APBA2: variants seen among roughly 807,000 people sequenced by gnomAD.
APBA2 encodes amyloid beta precursor protein binding family A member 2.
Under a neutral mutation model 75.0 loss-of-function variants are expected in APBA2, and 30 were observed. That is an observed-to-expected ratio of 0.40 (90% CI 0.30 to 0.54). The LOEUF (loss-of-function observed/expected upper bound fraction) is 0.54. Ranked by LOEUF, APBA2 falls within the 20% of genes least tolerant of loss-of-function variation. The pLI is 0.49. For missense variants in APBA2, 801 were observed against 1,016.1 expected, an observed-to-expected ratio of 0.79 and a Z score of 2.88; for synonymous variants, 444 against 409.6, an observed-to-expected ratio of 1.08 and a Z score of -1.01.
chr15:28,936,976 A>G (rs936380605), intron 2 of APBA2, among the ~76,000 whole-genome samples: 1 of 152,182 alleles, frequency 6.6e-6, no homozygotes, highest in Non-Finnish European at 1.5e-5. Flanking sequence ...AAATGGGCAT[A>G]ATAGAAATGA....
intron 1 of APBA2, among the ~76,000 whole-genome samples, chr15:28,920,608 A>G (rs1299222578): frequency 6.6e-6 from 1 of 152,164 alleles, no homozygotes; most frequent in Non-Finnish European, 1.5e-5. Context: ...GTTTGGGTTT[A>G]GGAGGCCTCC....
At chr15:29,076,969 G>C (rs547514970) in intron 6 of APBA2, among the ~76,000 whole-genome samples, 1 of 152,146 alleles carries the variant, frequency 6.6e-6, no homozygotes, top group African/African-American at 2.4e-5. Flanking sequence ...AGTTCCAATT[G>C]GTTGAAACTG....
intron 2 of APBA2, among the ~76,000 whole-genome samples, chr15:28,979,878 A>C (rs1566867699): frequency 6.6e-6 from 1 of 152,206 alleles, no homozygotes; most frequent in African/African-American, 2.4e-5. Flanking sequence ...GGGTCTTTGC[A>C]TCAGTTATTT....
At chr15:28,987,516 C>A (rs113225807) in intron 2 of APBA2, among the ~76,000 whole-genome samples, 6 of 151,820 alleles carry the variant, frequency 4.0e-5, no homozygotes, top group Middle Eastern at 3.4e-3. Flanking sequence ...ACATGGCAGG[C>A]GGATTCCCCC....
At chr15:29,034,343 C>G (rs1377829488) in intron 3 of APBA2, among the ~76,000 whole-genome samples, 1 of 152,192 alleles carries the variant, frequency 6.6e-6, no homozygotes, top group East Asian at 1.9e-4. Flanking sequence ...CCTGAGTCAT[C>G]TCTTTTGCAT....
chr15:29,007,089 GC>G (rs2039156847), intron 3 of APBA2, among the ~76,000 whole-genome samples: 1 of 152,190 alleles, frequency 6.6e-6, no homozygotes, highest in African/African-American at 2.4e-5. Context: ...TGAGTAGACA[GC>G]CCCCAAGTAA....
At chr15:28,957,472 G>A (rs868006765) in intron 2 of APBA2, among the ~76,000 whole-genome samples, 10 of 152,232 alleles carry the variant, frequency 6.6e-5, no homozygotes, top group African/African-American at 1.7e-4. Flanking sequence ...TTTAAGGATA[G>A]CATTTTCCAA....
chr15:28,982,204 C>T (rs1196582465), intron 2 of APBA2, among the ~76,000 whole-genome samples: 1 of 152,290 alleles, frequency 6.6e-6, no homozygotes, highest in East Asian at 1.9e-4. Context: ...CCCCGCCCCC[C>T]ACACTTATAA....
At chr15:29,055,647 C>T (rs572286596) in intron 4 of APBA2, among the ~76,000 whole-genome samples, 46 of 144,480 alleles carry the variant, frequency 3.2e-4, no homozygotes, top group Non-Finnish European at 5.8e-4. Context: ...TATTTTTTTC[C>T]GAGAAGAGTT....
intron 2 of APBA2, among the ~76,000 whole-genome samples, chr15:28,956,394 A>G (rs2036169538): frequency 6.6e-6 from 1 of 152,062 alleles, no homozygotes. Context: ...TGGAGGCTGG[A>G]CAGATGCAGA....
intron 2 of APBA2, among the ~76,000 whole-genome samples, chr15:28,926,054 C>T (rs796403305): frequency 2.9e-4 from 44 of 152,216 alleles, no homozygotes; most frequent in African/African-American, 9.9e-4. Flanking sequence ...TACTTTTAAC[C>T]TACCAGTGTC....
chr15:28,981,004 G>A (rs965871662), intron 2 of APBA2, among the ~76,000 whole-genome samples: 8 of 152,172 alleles, frequency 5.3e-5, no homozygotes, highest in Non-Finnish European at 5.9e-5. Context: ...AATGAAACTG[G>A]ATCCCTACCT....
At chr15:28,920,486 C>T (rs2033915781) in intron 1 of APBA2, among the ~76,000 whole-genome samples, 1 of 152,198 alleles carries the variant, frequency 6.6e-6, no homozygotes, top group African/African-American at 2.4e-5. Flanking sequence ...GCCTTTCATG[C>T]CCACACCACG....
chr15:28,901,380 C>A (rs2032842838), intron 1 of APBA2, among the ~76,000 whole-genome samples: 1 of 149,764 alleles, frequency 6.7e-6, no homozygotes, highest in East Asian at 2.1e-4. Context: ...CACGGCAGGG[C>A]CCTGTGGCTT....
chr15:28,935,676 C>T (rs2034822644), intron 2 of APBA2, among the ~76,000 whole-genome samples: 1 of 152,208 alleles, frequency 6.6e-6, no homozygotes, highest in African/African-American at 2.4e-5. Context: ...TCTCTCCAGA[C>T]ACTACAGATC....
chr15:28,938,696 A>G lies in APBA2; in HGVS notation c.-95+16947A>G, dbSNP rs954377480. Among the ~76,000 whole-genome samples, 11 of 152,076 alleles carry G rather than the reference A, an allele frequency of 7.2e-5. 1 individual carries two copies. The highest frequency in any genetic ancestry group is 5.9e-4 in the Admixed American group (9 of 15,268). On this transcript the variant is annotated intron_variant, in intron 2 of 14. Transcript: ENST00000683413. ...GCTAATTTTTGTATTTTTAGTAGAG[A>G]TGGGGTTTCACCACATTGTCCAGGC...
chr15:29,101,099 A>G (rs959984478), intron 9 of APBA2, among the ~76,000 whole-genome samples: 1 of 150,124 alleles, frequency 6.7e-6, no homozygotes, highest in South Asian at 2.1e-4. Flanking sequence ...TCTCCTGGGG[A>G]GAGGCTTGGA....
chr15:28,967,135 C>T (rs1386269698), intron 2 of APBA2, among the ~76,000 whole-genome samples: 1 of 152,160 alleles, frequency 6.6e-6, no homozygotes, highest in South Asian at 2.1e-4. Context: ...TTTAGCTTCT[C>T]TTCTCCTGAG....
intron 4 of APBA2, among the ~76,000 whole-genome samples, chr15:29,062,823 C>T (rs540098428): frequency 1.3e-5 from 2 of 152,348 alleles, no homozygotes; most frequent in Admixed American, 6.5e-5. Context: ...CGGCATCCCA[C>T]CCGGCTGCAG....
Sources: gnomAD v4.1 joint callset for allele counts (sites outside exome capture counted in the v4.1 genomes callset) on GRCh38, gnomAD v4.1.1 for gene constraint, MANE v1.5 for transcripts, NCBI Gene and HGNC (gene_info 2026-07-23, HGNC 2026-07-21) for gene names.